Variants in AGPAT4 observed in about 807,000 individuals in gnomAD.
AGPAT4 encodes 1-acyl-sn-glycerol-3-phosphate acyltransferase delta.
In AGPAT4, 15 loss-of-function variants were observed where a neutral mutation model predicts 48.0. The ratio of observed to expected loss-of-function variants is 0.31; its 90% CI spans 0.21 to 0.48. The LOEUF is 0.48. Ranked by LOEUF, AGPAT4 falls within the 20% of genes least tolerant of loss-of-function variation. The pLI, the probability that AGPAT4 is intolerant of heterozygous loss-of-function variation, is 0.99. For missense variants in AGPAT4, 314 were observed against 482.5 expected (o/e 0.65, Z 3.27); for synonymous variants, 178 against 198.7 (o/e 0.90, Z 0.88).
rs544887103 is a variant in AGPAT4, at chr6:161,172,719, G to A, written c.179-6302C>T. Among the ~76,000 whole-genome samples, 7 of 152,202 alleles carry A rather than the reference G, an allele frequency of 4.6e-5. No homozygotes were observed. In the South Asian group the frequency reaches 1.5e-3, roughly 32 times the overall value. On this transcript the variant is annotated intron_variant, in intron 2 of 8. Coordinates refer to ENST00000320285, the MANE Select transcript of AGPAT4 (RefSeq NM_020133.3). ...GCAGGTTTGTTACATATGTATACAT[G>A]TGCCATGTTGGTGTGCTGCACCCAT...
chr6:161,234,900 G>A lies in AGPAT4; in HGVS notation c.-89-2598C>T, dbSNP rs1025048432. On this transcript the variant is annotated intron_variant, in intron 1 of 8. Coordinates refer to ENST00000320285, the MANE Select transcript of AGPAT4 (RefSeq NM_020133.3). This position sits in a 1 kb window ranked among gnomAD's most constrained non-coding sequence, Gnocchi z 4.4. Reference sequence around the variant, plus strand: ...TTCTTTTTTCCTTATAAAATTTCAAGGTAAATTGAAATTTTACCGTGCGTA... The same window carrying A: ...TTCTTTTTTCCTTATAAAATTTCAAAGTAAATTGAAATTTTACCGTGCGTA... Among the ~76,000 whole-genome samples the A allele has an allele frequency of 3.9e-5, 6 of 151,958 alleles. No homozygotes were observed. The highest frequency in any genetic ancestry group is 1.5e-4 in the African/African-American group (6 of 41,332).
Position 161,158,654 on chromosome 6 carries a change from A to G in AGPAT4, c.349-4344T>C, listed in dbSNP as rs557668380. ...TGCAGAGACCCTGGACGTTGGGAAG[A>G]GCTGACGCAGAGAGGGCCTGAGACC... On this transcript the variant is annotated intron_variant, in intron 3 of 8. Transcript: ENST00000320285. This position sits in a 1 kb window ranked among gnomAD's most constrained non-coding sequence, Gnocchi z 5.3. Among the ~76,000 whole-genome samples, 1 of 152,286 alleles carries G rather than the reference A, an allele frequency of 6.6e-6. No individual in the cohort carries two copies. The highest frequency in any genetic ancestry group is 2.1e-4 in the South Asian group (1 of 4,828).
intron 5 of AGPAT4, among the ~76,000 whole-genome samples, chr6:161,150,956 G>A (rs1405363252): frequency 6.6e-6 from 1 of 152,182 alleles, no homozygotes; most frequent in Non-Finnish European, 1.5e-5. Flanking sequence ...GACAACAGAA[G>A]AGGCTGACTC....
In AGPAT4 at chr6:161,185,142, T is replaced by TAA. The variant is rs11299421; in HGVS notation, c.179-18727_179-18726dup. On this transcript the variant is annotated intron_variant, in intron 2 of 8. Coordinates refer to ENST00000320285, the MANE Select transcript of AGPAT4 (RefSeq NM_020133.3). The stretch of plus-strand genomic sequence containing the variant: ...TCCCTATGTAAATACTCCAAATGTT[T>TAA]AAAAAAAAAAAAAAAAACAAGAGGG... Among the ~76,000 whole-genome samples, 7 of 135,088 alleles carry TAA rather than the reference T, an allele frequency of 5.2e-5. No individual in the cohort carries two copies. In the East Asian group the frequency reaches 6.4e-4, roughly 12 times the overall value. The allele number at this position is 135,088 out of a possible 152,430, so 88.6% of individuals were successfully genotyped here.
intron 3 of AGPAT4, chr6:161,160,688 G>A (rs910922651): frequency 2.8e-5 from 9 of 318,966 alleles, no homozygotes; most frequent in Admixed American, 2.8e-4. Flanking sequence ...GAGGGGTCAC[G>A]GTCACGGCTG....
rs1342380506 is a variant in AGPAT4, at chr6:161,142,641, A to G, written c.844-3021T>C. On this transcript the variant is annotated intron_variant, in intron 7 of 8. Coordinates refer to ENST00000320285, the MANE Select transcript of AGPAT4 (RefSeq NM_020133.3). The surrounding 1 kb of genome is among the most constrained non-coding windows in gnomAD (Gnocchi z 6.4). ...CTCAGCTTTCCCAGGGCCCAGGAGA[A>G]GAAAGAAGGGAGAAAAGAACGGGAG... 6.6e-6 allele frequency among the ~76,000 whole-genome samples: 1 copy of G among 152,170 alleles called. No individual in the cohort carries two copies. Among genetic ancestry groups the G allele is most frequent in the African/African-American group, 2.4e-5 (1 of 41,432 alleles).
At chr6:161,188,886 A>G (rs1331911544) in intron 2 of AGPAT4, among the ~76,000 whole-genome samples, 2 of 152,112 alleles carry the variant, frequency 1.3e-5, no homozygotes, top group East Asian at 1.9e-4. Flanking sequence ...CATTTCACCA[A>G]TGGCAAATGG....
Position 161,136,320 on chromosome 6 carries a change from AAG to A in AGPAT4, c.*218_*219del, listed in dbSNP as rs1402975384. On this transcript the variant is annotated 3_prime_UTR_variant, in exon 9 of 9. Coordinates refer to ENST00000320285, the MANE Select transcript of AGPAT4 (RefSeq NM_020133.3). ...CCATTCTCACACACACTCGCACAAA[AAG>A]AAAACCAAAGCCCACTAAAGCACAT... 1.3e-4 allele frequency: 74 copies of A among 560,972 alleles called. No individual in the cohort carries two copies. The East Asian group carries it at 1.5e-3, about 11-fold the overall frequency. 34.7% of individuals were successfully genotyped at this position (560,972 alleles called of 1,614,324 possible).
chr6:161,248,899 C>T (rs2115051039), intron 1 of AGPAT4, among the ~76,000 whole-genome samples: 1 of 152,258 alleles, frequency 6.6e-6, no homozygotes, highest in Non-Finnish European at 1.5e-5. Flanking sequence ...AGGCATCACA[C>T]TATCTGATTT....
In AGPAT4 at chr6:161,146,475, G is replaced by T; in HGVS notation, c.843+49C>A. The T allele has an allele frequency of 6.3e-7, 1 of 1,581,586 alleles. No individual in the cohort carries two copies. The highest frequency in any genetic ancestry group is 8.7e-7 in the Non-Finnish European group (1 of 1,154,138). On this transcript the variant is annotated intron_variant, in intron 7 of 8. Coordinates refer to ENST00000320285, the MANE Select transcript of AGPAT4 (RefSeq NM_020133.3). The surrounding 1 kb of genome is among the most constrained non-coding windows in gnomAD (Gnocchi z 7.1). Reference sequence around the variant, plus strand: ...CTACCACACAACACAGCCACACGGCGCACCCACAGCTGCAACGTGAAGGGA... The same window carrying T: ...CTACCACACAACACAGCCACACGGCTCACCCACAGCTGCAACGTGAAGGGA...
In AGPAT4 at chr6:161,231,471, G is replaced by C. The variant is rs1235467198; in HGVS notation, c.178+565C>G. Among the ~76,000 whole-genome samples the C allele has an allele frequency of 6.6e-6, 1 of 151,938 alleles. No individual in the cohort carries two copies. On this transcript the variant is annotated intron_variant, in intron 2 of 8. Transcript: ENST00000320285. The surrounding 1 kb of genome is among the most constrained non-coding windows in gnomAD (Gnocchi z 5.3). ...TTTCTCATTGGAATATGCTATTCCA[G>C]TGGTGCAAGATGCTACCATAGGGAG...
intron 2 of AGPAT4, among the ~76,000 whole-genome samples, chr6:161,182,794 G>A (rs565257204): frequency 2.6e-5 from 4 of 152,352 alleles, no homozygotes; most frequent in Admixed American, 2.0e-4. Context: ...TAAAACCCAG[G>A]AGAGGGACAC....
rs925409636 is a variant in AGPAT4 at position 161,166,952 on chromosome 6, G to A, written c.179-535C>T. Among the ~76,000 whole-genome samples, 1 of 152,174 alleles carries A rather than the reference G, an allele frequency of 6.6e-6. No individual in the cohort carries two copies. The highest frequency in any genetic ancestry group is 2.4e-5 in the African/African-American group (1 of 41,434). On this transcript the variant is annotated intron_variant, in intron 2 of 8. Transcript: ENST00000320285. The surrounding 1 kb of genome is among the most constrained non-coding windows in gnomAD (Gnocchi z 6.7). ...CAGCGGGAGTGAGAGTCAGCCCACA[G>A]CAGGTCTGAAGAGAACTATTGAAAT... is the stretch of plus-strand genomic sequence containing the variant.
At position 161,158,735 on chromosome 6, in the gene AGPAT4, C is replaced by T. The variant is rs926345733; in HGVS notation, c.349-4425G>A. ...TACAGCCTCTGGGGTGAAAAGGGAT[C>T]GGAATGAGGCCATTCTAGTTAAGGT... On this transcript the variant is annotated intron_variant, in intron 3 of 8. Transcript: ENST00000320285. The surrounding 1 kb of genome is among the most constrained non-coding windows in gnomAD (Gnocchi z 5.3). 3.3e-5 allele frequency among the ~76,000 whole-genome samples: 5 copies of T among 152,160 alleles called. No individual in the cohort carries two copies. The highest frequency in any genetic ancestry group is 2.1e-4 in the South Asian group (1 of 4,822).
In AGPAT4 at chr6:161,147,502, G is replaced by A. The variant is rs1157412121; in HGVS notation, c.768-903C>T. Among the ~76,000 whole-genome samples the A allele has an allele frequency of 1.3e-5, 2 of 152,138 alleles. No individual in the cohort carries two copies. The highest frequency in any genetic ancestry group is 4.8e-5 in the African/African-American group (2 of 41,404). On this transcript the variant is annotated intron_variant, in intron 6 of 8. Coordinates refer to ENST00000320285, the MANE Select transcript of AGPAT4 (RefSeq NM_020133.3). The surrounding 1 kb of genome is among the most constrained non-coding windows in gnomAD (Gnocchi z 4.8). Reference sequence around the variant, plus strand: ...TAAGAATATCTTAGTAAGAAGATTTGAGAGTTTATCTATCACACTAGAGTC... The same window carrying A: ...TAAGAATATCTTAGTAAGAAGATTTAAGAGTTTATCTATCACACTAGAGTC...
rs777666817 is a variant in AGPAT4 at position 161,146,486 on chromosome 6, T to C, written c.843+38A>G. 9 of 1,606,854 alleles carry C rather than the reference T, an allele frequency of 5.6e-6. No homozygotes were observed. The highest frequency in any genetic ancestry group is 1.6e-4 in the Middle Eastern group (1 of 6,066). ...CACAGCCACACGGCGCACCCACAGC[T>C]GCAACGTGAAGGGACCCCTGGCACC... is the stretch of plus-strand genomic sequence containing the variant. On this transcript the variant is annotated intron_variant, in intron 7 of 8. Coordinates refer to ENST00000320285, the MANE Select transcript of AGPAT4 (RefSeq NM_020133.3). The surrounding 1 kb of genome is among the most constrained non-coding windows in gnomAD (Gnocchi z 7.1).
rs541112257 is a variant in AGPAT4 at position 161,140,094 on chromosome 6, C to T, written c.844-474G>A. Among the ~76,000 whole-genome samples the T allele has an allele frequency of 4.6e-5, 7 of 152,206 alleles. No individual in the cohort carries two copies. Among genetic ancestry groups the T allele is most frequent in the Non-Finnish European group, 1.0e-4 (7 of 68,032 alleles). Reference sequence around the variant, plus strand: ...CAGGAGGAGCTCGCCCAGCCCGGCCCGGCACATGCCCCGCCTTCCCGGCCT... The same window carrying T: ...CAGGAGGAGCTCGCCCAGCCCGGCCTGGCACATGCCCCGCCTTCCCGGCCT... On this transcript the variant is annotated intron_variant, in intron 7 of 8. Coordinates refer to ENST00000320285, the MANE Select transcript of AGPAT4 (RefSeq NM_020133.3). This position sits in a 1 kb window ranked among gnomAD's most constrained non-coding sequence, Gnocchi z 6.5.
At chr6:161,260,122 A>G (rs1783057268) in intron 1 of AGPAT4, among the ~76,000 whole-genome samples, 1 of 152,134 alleles carries the variant, frequency 6.6e-6, no homozygotes, top group East Asian at 1.9e-4. Flanking sequence ...GCTTCAGTGA[A>G]CTGCTAGGAA....
In AGPAT4 at chr6:161,146,958, C is replaced by A. The variant is rs548883375; in HGVS notation, c.768-359G>T. ...GGACAACACTGCCTCAGTTTCCACACGAGACAATCCAATATACACAGAATC... is the reference window on the plus strand; with the variant it reads ...GGACAACACTGCCTCAGTTTCCACAAGAGACAATCCAATATACACAGAATC... On this transcript the variant is annotated intron_variant, in intron 6 of 8. Transcript: ENST00000320285. The surrounding 1 kb of genome is among the most constrained non-coding windows in gnomAD (Gnocchi z 7.1). Among the ~76,000 whole-genome samples, 154 of 152,232 alleles carry A rather than the reference C, an allele frequency of 1.0e-3. No individual in the cohort carries two copies. The highest frequency in any genetic ancestry group is 1.9e-3 in the Non-Finnish European group (129 of 68,008).
Sources: gnomAD v4.1 joint callset for allele counts (sites outside exome capture counted in the v4.1 genomes callset) on GRCh38, gnomAD v4.1.1 for gene constraint, Gnocchi (gnomAD v3.1) non-coding constraint, MANE v1.5 for transcripts, NCBI Gene and HGNC (gene_info 2026-07-23, HGNC 2026-07-21) for gene names.